Variants in GSE1 observed in about 807,000 individuals in gnomAD.
The protein encoded by GSE1 is genetic suppressor element 1.
In GSE1, 32 loss-of-function variants were observed where a neutral mutation model predicts 112.6. The ratio of observed to expected loss-of-function variants is 0.28; its 90% CI spans 0.21 to 0.38. The LOEUF (loss-of-function observed/expected upper bound fraction) is 0.38, where lower values mean the gene tolerates loss of function less well. Ranked by LOEUF, GSE1 falls within the 10% of genes least tolerant of loss-of-function variation. The probability of loss-of-function intolerance (pLI) is 1.00; values close to 1 mark genes in which losing one functional copy is unlikely to be tolerated. For synonymous variants in GSE1, 1,115 were observed against 735.6 expected, an observed-to-expected ratio of 1.52 and a Z score of -8.35; for missense variants, 2,348 against 1,699.2, an observed-to-expected ratio of 1.38 and a Z score of -6.71.
At chr16:85,637,900 G>C (rs116917228) in intron 2 of GSE1, among the ~76,000 whole-genome samples, 18 of 152,288 alleles carry the variant, frequency 1.2e-4, no homozygotes, top group Middle Eastern at 3.4e-3. Flanking sequence ...GCCTCCTGGC[G>C]ACGGCACGTC....
At chr16:85,383,692 T>C (rs1043386090) in intron 2 of GSE1, among the ~76,000 whole-genome samples, 1 of 152,210 alleles carries the variant, frequency 6.6e-6, no homozygotes. Flanking sequence ...GTCTGTCCAC[T>C]TGGGGAGGGG....
At chr16:85,212,966 A>C (rs967502151) in intron 1 of GSE1, among the ~76,000 whole-genome samples, 11 of 152,110 alleles carry the variant, frequency 7.2e-5, no homozygotes, top group African/African-American at 2.7e-4. Context: ...CGTCTCTACA[A>C]AATATTTAAA....
chr16:85,173,282 G>T (rs183959584), intron 1 of GSE1, among the ~76,000 whole-genome samples: 1 of 152,220 alleles, frequency 6.6e-6, no homozygotes, highest in African/African-American at 2.4e-5. Flanking sequence ...CAGTCAGTAG[G>T]TATCTGAGGC....
At chr16:85,301,115 G>A (rs974717041) in intron 1 of GSE1, among the ~76,000 whole-genome samples, 2 of 152,232 alleles carry the variant, frequency 1.3e-5, no homozygotes, top group Admixed American at 6.5e-5. Context: ...CCCCAGGCCT[G>A]GTGGGGCGCT....
At position 85,265,518 on chromosome 16, in the gene GSE1, A is replaced by G. The variant is rs143830755; in HGVS notation, c.2284-91945A>G. 1.8e-3 allele frequency among the ~76,000 whole-genome samples: 268 copies of G among 152,196 alleles called. 1 individual carries two copies. The highest frequency in any genetic ancestry group is 6.0e-3 in the African/African-American group (248 of 41,520). ...CTTTTCTAGAATATGTCCGGACTAT[A>G]TCTCATAACTGGGCAGACCCCTCCT... is the stretch of plus-strand genomic sequence containing the variant. On this transcript the variant is annotated intron_variant, in intron 1 of 2. Transcript: ENST00000637419.
At chr16:85,500,998 G>GTTTTTTTTTTTTTTTTT (rs55650214) in intron 2 of GSE1, among the ~76,000 whole-genome samples, 3 of 64,836 alleles carry the variant, frequency 4.6e-5, no homozygotes, top group South Asian at 7.3e-4. Context: ...GGCCTGTTCT[G>GTTTTTTTTTTTTTTTTT]TTTTTTTTTT....
chr16:85,437,145 C>T (rs1340087160), intron 2 of GSE1, among the ~76,000 whole-genome samples: 3 of 152,086 alleles, frequency 2.0e-5, no homozygotes. Context: ...GGCGGCCTGC[C>T]CCTCCCCACA....
intron 1 of GSE1, among the ~76,000 whole-genome samples, chr16:85,602,867 C>T (rs2047527196): frequency 6.6e-6 from 1 of 152,376 alleles, no homozygotes. Flanking sequence ...CCCTCCCCCG[C>T]AGGGGCCCAC....
intron 2 of GSE1, among the ~76,000 whole-genome samples, chr16:85,383,534 TCTCTCTC>T: frequency 3.4e-4 from 1 of 2,930 alleles, no homozygotes; most frequent in Admixed American, 1.6e-3. Flanking sequence ...TGCGTCTCTC[TCTCTCTC>T]TCTCTCTCTC....
intron 1 of GSE1, among the ~76,000 whole-genome samples, chr16:85,606,294 G>A (rs889981117): frequency 1.3e-5 from 2 of 150,778 alleles, no homozygotes; most frequent in African/African-American, 2.4e-5. Context: ...AACTAGGCAT[G>A]TGAGGAAATG....
In GSE1 at chr16:85,419,772, C is replaced by T. The variant is rs1164914834; in HGVS notation, c.2464+62129C>T. On this transcript the variant is annotated intron_variant, in intron 2 of 2. Transcript: ENST00000637419. This position sits in a 1 kb window ranked among gnomAD's most constrained non-coding sequence, Gnocchi z 6.5. ...CCTGCCTCCCCCGCCCCGCCCCCACCCCTCCAAGACTCTGATGGAAATGGT... is the reference window on the plus strand; with the variant it reads ...CCTGCCTCCCCCGCCCCGCCCCCACTCCTCCAAGACTCTGATGGAAATGGT... Among the ~76,000 whole-genome samples, 2 of 151,950 alleles carry T rather than the reference C, an allele frequency of 1.3e-5. No homozygotes were observed. Among genetic ancestry groups the T allele is most frequent in the African/African-American group, 4.8e-5 (2 of 41,342 alleles).
chr16:85,179,686 C>T (rs544827049), intron 1 of GSE1, among the ~76,000 whole-genome samples: 3 of 152,328 alleles, frequency 2.0e-5, no homozygotes, highest in African/African-American at 7.2e-5. Context: ...CATCCTCTTA[C>T]TCCTGGTCTT....
At chr16:85,358,502 G>A (rs2046999686) in intron 2 of GSE1, among the ~76,000 whole-genome samples, 1 of 152,138 alleles carries the variant, frequency 6.6e-6, no homozygotes, top group East Asian at 1.9e-4. Context: ...GCCAACCACA[G>A]TGAGGGCAGT....
intron 2 of GSE1, among the ~76,000 whole-genome samples, chr16:85,453,366 A>T (rs545076956): frequency 6.6e-6 from 1 of 152,192 alleles, no homozygotes; most frequent in Non-Finnish European, 1.5e-5. Context: ...AGGACTCAGC[A>T]TCGGGCGCTG....
At position 85,173,852 on chromosome 16, in the gene GSE1, T is replaced by G. The variant is rs149294342; in HGVS notation, c.2283+2045T>G. Among the ~76,000 whole-genome samples, 323 of 152,210 alleles carry G rather than the reference T, an allele frequency of 2.1e-3. 1 individual carries two copies. The highest frequency in any genetic ancestry group is 7.4e-3 in the African/African-American group (306 of 41,544). ...GGTGTCTGCCCAGAAGGGGTCAGCATGGGTTTGGTGAGGTTTCATGTGGTA... is the reference window on the plus strand; with the variant it reads ...GGTGTCTGCCCAGAAGGGGTCAGCAGGGGTTTGGTGAGGTTTCATGTGGTA... On this transcript the variant is annotated intron_variant, in intron 1 of 2. Coordinates refer to the GSE1 transcript ENST00000637419.
At chr16:85,612,022 G>A (rs889010859), upstream of GSE1, among the ~76,000 whole-genome samples, 2 of 151,914 alleles carry the variant, frequency 1.3e-5, no homozygotes, top group African/African-American at 4.8e-5. Context: ...GGCCGCCCAG[G>A]GGGTGCTGGT....
At chr16:85,218,015 C>T (rs762013150) in intron 1 of GSE1, among the ~76,000 whole-genome samples, 6 of 152,270 alleles carry the variant, frequency 3.9e-5, no homozygotes, top group South Asian at 4.2e-4. Context: ...ATTATCGTGC[C>T]TCAGCCTCCT....
chr16:85,440,597 C>T (rs1465564564), intron 2 of GSE1, among the ~76,000 whole-genome samples: 2 of 152,248 alleles, frequency 1.3e-5, no homozygotes, highest in African/African-American at 4.8e-5. Flanking sequence ...CCAAGGGCCA[C>T]ACCAGATTCC....
chr16:85,201,429 C>T (rs1180966665), intron 1 of GSE1, among the ~76,000 whole-genome samples: 4 of 150,832 alleles, frequency 2.7e-5, no homozygotes, highest in South Asian at 2.1e-4. Flanking sequence ...ACGCCGAGGG[C>T]GGTGGATTGC....
Sources: allele counts gnomAD v4.1 joint callset (sites outside exome capture counted in the v4.1 genomes callset), GRCh38; gene constraint gnomAD v4.1.1; non-coding constraint Gnocchi (gnomAD v3.1); transcripts MANE v1.5; gene names NCBI Gene and HGNC (gene_info 2026-07-23, HGNC 2026-07-21).